VEPH1: variants seen among roughly 807,000 people sequenced by gnomAD.
VEPH1 encodes the protein ventricular zone-expressed PH domain-containing protein homolog 1.
VEPH1 carries 80 observed loss-of-function variants against 85.2 expected under a neutral mutation model. That is an observed-to-expected ratio of 0.94 (90% CI 0.78 to 1.13). The LOEUF is 1.13. VEPH1 is among the 50% of genes most tolerant of loss of function. VEPH1 has a pLI of 0.00. For synonymous variants in VEPH1, 297 were observed against 348.0 expected, an observed-to-expected ratio of 0.85 and a Z score of 1.63; for missense variants, 955 against 980.5, an observed-to-expected ratio of 0.97 and a Z score of 0.35.
chr3:157,460,383 A>C (rs764686884), intron 3 of VEPH1, 28 bp from the exon 4 acceptor site: 13 of 1,591,300 alleles, frequency 8.2e-6, no homozygotes, highest in Non-Finnish European at 9.4e-6. Flanking sequence ...AGCCACAAAT[A>C]ATAAGTGACT....
chr3:157,479,881 A>G (rs980145783), intron 2 of VEPH1, among the ~76,000 whole-genome samples: 2 of 152,224 alleles, frequency 1.3e-5, no homozygotes, highest in Non-Finnish European at 2.9e-5. Context: ...GTGCAGATAA[A>G]TGTTAGCTAT....
intron 9 of VEPH1, among the ~76,000 whole-genome samples, chr3:157,344,556 C>G (rs1195135545): frequency 6.6e-6 from 1 of 152,206 alleles, no homozygotes; most frequent in African/African-American, 2.4e-5. Flanking sequence ...ACATTCCATG[C>G]TCATGGATAG....
intron 7 of VEPH1, among the ~76,000 whole-genome samples, chr3:157,368,103 C>CA: frequency 6.6e-6 from 1 of 152,272 alleles, no homozygotes; most frequent in Non-Finnish European, 1.5e-5. Flanking sequence ...GTACTTAACT[C>CA]ACGGGGTTGG....
intron 6 of VEPH1, chr3:157,409,847 G>A (rs1731406260): frequency 1.0e-6 from 1 of 985,246 alleles, no homozygotes; most frequent in African/African-American, 1.7e-5. Flanking sequence ...CCAAATTCTG[G>A]ACTGAAGATT....
chr3:157,377,978 T>C (rs1728316659), intron 7 of VEPH1, among the ~76,000 whole-genome samples: 1 of 152,110 alleles, frequency 6.6e-6, no homozygotes, highest in Non-Finnish European at 1.5e-5. Flanking sequence ...CTTGAAACCT[T>C]GTGTCCATAG....
chr3:157,351,064 G>T (rs924524288), intron 9 of VEPH1, among the ~76,000 whole-genome samples: 1 of 151,878 alleles, frequency 6.6e-6, no homozygotes, highest in Admixed American at 6.6e-5. Context: ...AGACATTTGC[G>T]CCCCCATGCT....
intron 9 of VEPH1, among the ~76,000 whole-genome samples, chr3:157,342,782 G>C (rs1723737535): frequency 6.6e-6 from 1 of 152,102 alleles, no homozygotes. Context: ...TGGAAGTAAA[G>C]CACTCCTCAG....
At chr3:157,399,612 T>C (rs1304986471) in intron 6 of VEPH1, among the ~76,000 whole-genome samples, 3 of 152,268 alleles carry the variant, frequency 2.0e-5, no homozygotes, top group African/African-American at 7.2e-5. Flanking sequence ...TTCCAAGATA[T>C]TTTTACAATT....
At chr3:157,477,056 A>G (rs1459019266) in intron 2 of VEPH1, among the ~76,000 whole-genome samples, 1 of 152,190 alleles carries the variant, frequency 6.6e-6, no homozygotes, top group South Asian at 2.1e-4. Context: ...GTTGCAAATA[A>G]TTATCACATA....
intron 12 of VEPH1, among the ~76,000 whole-genome samples, chr3:157,275,103 A>G (rs1026114149): frequency 4.6e-5 from 7 of 152,126 alleles, no homozygotes; most frequent in Non-Finnish European, 7.4e-5. Context: ...CTCAGAAATT[A>G]CTCATACTGT....
chr3:157,267,504 G>T (rs911226457), intron 12 of VEPH1, among the ~76,000 whole-genome samples: 4 of 151,980 alleles, frequency 2.6e-5, no homozygotes, highest in South Asian at 2.1e-4. Context: ...CTAAAAACTG[G>T]CCAGGCGCAG....
At chr3:157,490,079 G>T (rs1481032734) in intron 2 of VEPH1, among the ~76,000 whole-genome samples, 1 of 151,874 alleles carries the variant, frequency 6.6e-6, no homozygotes, top group East Asian at 1.9e-4. Context: ...TAAAGGGATA[G>T]AAATGTAATG....
intron 4 of VEPH1, chr3:157,436,654 C>T (rs535226983): frequency 3.5e-6 from 1 of 289,650 alleles, no homozygotes; most frequent in African/African-American, 2.2e-5. Flanking sequence ...GACCCTCCTC[C>T]AATTAATCTG....
intron 2 of VEPH1, among the ~76,000 whole-genome samples, chr3:157,473,679 A>C (rs1737187147): frequency 6.6e-6 from 1 of 152,180 alleles, no homozygotes. Context: ...CATATAGAAT[A>C]CATCACTTTC....
chr3:157,363,586 C>T lies in VEPH1; in HGVS notation c.1513G>A (p.Glu505Lys). The T allele has an allele frequency of 1.9e-6, 3 of 1,614,100 alleles. No individual in the cohort carries two copies. The South Asian group carries it at 3.3e-5, about 18-fold the overall frequency. The change falls in exon 9 of 14, where the codon GAG becomes AAG. Residue 505 changes from glutamate to lysine, a missense_variant. By Grantham distance (56) the Glu-to-Lys change is moderately conservative (BLOSUM62 1). Transcript: ENST00000362010. The stretch of plus-strand genomic sequence containing the variant: ...ATATTTGGGTATGAAACTGAAGACT[C>T]CCCCAGCTGTGATCTCTCAGTGTCT... Reference protein sequence around the residue: ...KTDTERSQLGESSVSYPNIIH... With the variant: ...KTDTERSQLGKSSVSYPNIIH...
At chr3:157,399,478 C>A (rs998024449) in intron 6 of VEPH1, among the ~76,000 whole-genome samples, 3 of 152,000 alleles carry the variant, frequency 2.0e-5, no homozygotes, top group Non-Finnish European at 4.4e-5. Context: ...GTAATTATTC[C>A]TCAGTCTTTT....
At chr3:157,377,084 A>G (rs1242885140) in intron 7 of VEPH1, among the ~76,000 whole-genome samples, 1 of 152,180 alleles carries the variant, frequency 6.6e-6, no homozygotes, top group East Asian at 1.9e-4. Flanking sequence ...TGAGCCGTTC[A>G]GACAAAAGGC....
rs193238072 is a variant in VEPH1, at chr3:157,318,000, T to C, written c.1736-799A>G. On this transcript the variant is annotated intron_variant, in intron 9 of 13. Coordinates refer to ENST00000362010, the MANE Select transcript of VEPH1 (RefSeq NM_001167912.2). ...TTATAAAGATGAGGTAACAGCACAT[T>C]AGAAAGCCAGTCTAGTGAACCACTG... is the stretch of plus-strand genomic sequence containing the variant. Among the ~76,000 whole-genome samples, 54 of 152,288 alleles carry C rather than the reference T, an allele frequency of 3.5e-4. No homozygotes were observed. The East Asian group carries it at 3.7e-3, about 10-fold the overall frequency.
At chr3:157,447,833 G>A (rs1475351243) in intron 4 of VEPH1, among the ~76,000 whole-genome samples, 1 of 151,990 alleles carries the variant, frequency 6.6e-6, no homozygotes, top group African/African-American at 2.4e-5. Context: ...GACAACAAGT[G>A]ATCTGCCCAT....
Sources: allele counts gnomAD v4.1 joint callset (sites outside exome capture counted in the v4.1 genomes callset), GRCh38; gene constraint gnomAD v4.1.1; transcripts MANE v1.5; gene names NCBI Gene and HGNC (gene_info 2026-07-23, HGNC 2026-07-21).